The following NREP variants were observed in gnomAD, a reference collection of about 807,000 sequenced individuals.
NREP encodes neuronal regeneration-related protein.
In NREP, 5 loss-of-function variants were observed where a neutral mutation model predicts 8.6. The ratio of observed to expected loss-of-function variants is 0.58; its 90% CI spans 0.30 to 1.22. NREP has a LOEUF of 1.22. Among genes scored for constraint, NREP ranks in the 50% most tolerant of loss-of-function variants. The pLI is 0.07. For missense variants in NREP, 86 were observed against 82.5 expected (o/e 1.04, Z -0.17); for synonymous variants, 27 against 28.0 (o/e 0.96, Z 0.11).
intron 2 of NREP, chr5:111,846,439 T>TTTTTTTTTTTTTTTTTTTTTTTTTC (rs1753175574): frequency 7.6e-6 from 1 of 131,132 alleles, no homozygotes; most frequent in Non-Finnish European, 1.6e-5. Context: ...TTTTTTTTTT[T>TTTTTTTTTTTTTTTTTTTTTTTTTC]TTTTTTGTCT....
chr5:111,732,973 T>G (rs1432204270), intron 3 of NREP: 1 of 152,182 alleles, frequency 6.6e-6, no homozygotes, highest in Non-Finnish European at 1.5e-5. Flanking sequence ...TCTATTTAAA[T>G]CTCAGTCTCA....
intron 2 of NREP, among the ~76,000 whole-genome samples, chr5:111,966,624 T>C (rs767959260): frequency 5.3e-5 from 8 of 151,620 alleles, no homozygotes; most frequent in Admixed American, 2.0e-4. Flanking sequence ...ATTCAAAAAA[T>C]GAGAGAAGGA....
intron 2 of NREP, among the ~76,000 whole-genome samples, chr5:111,909,147 C>T (rs894211845): frequency 2.4e-4 from 37 of 151,868 alleles, no homozygotes; most frequent in African/African-American, 6.8e-4. Flanking sequence ...GCATAGTTCG[C>T]GAATATTTTC....
intron 2 of NREP, among the ~76,000 whole-genome samples, chr5:111,777,014 TGGAGGA>T (rs147009924): frequency 8.0e-6 from 1 of 125,628 alleles, no homozygotes; most frequent in Admixed American, 8.1e-5. Context: ...AGGAAGGAGG[TGGAGGA>T]GGAGGAGGAA....
upstream of NREP, among the ~76,000 whole-genome samples, chr5:111,759,211 A>G (rs925783585): frequency 2.0e-5 from 3 of 152,058 alleles, no homozygotes; most frequent in African/African-American, 7.2e-5. Context: ...TTTGGCATTC[A>G]CCTCAGGGTC....
At chr5:111,873,976 A>G (rs1332063384) in intron 2 of NREP, among the ~76,000 whole-genome samples, 2 of 152,066 alleles carry the variant, frequency 1.3e-5, no homozygotes, top group African/African-American at 4.8e-5. Context: ...GACAGAGACA[A>G]ACAACAGCTT....
At chr5:111,791,335 T>C (rs1268011882) in intron 2 of NREP, among the ~76,000 whole-genome samples, 3 of 152,200 alleles carry the variant, frequency 2.0e-5, no homozygotes, top group Admixed American at 2.0e-4. Context: ...AATTGGAATT[T>C]TATATCCTTT....
chr5:111,737,556 G>T (rs73787362), intron 2 of NREP, among the ~76,000 whole-genome samples: 1,791 of 151,978 alleles, frequency 0.012, 13 homozygotes, highest in Middle Eastern at 0.048. Flanking sequence ...TGCTTTTCTG[G>T]GATATTCCAT....
chr5:111,768,218 G>C (rs923544738), intron 2 of NREP, among the ~76,000 whole-genome samples: 6 of 152,160 alleles, frequency 3.9e-5, no homozygotes, highest in Non-Finnish European at 8.8e-5. Context: ...GAACCAGGTG[G>C]AATGACTTAT....
chr5:111,802,911 A>C (rs1752047304), intron 2 of NREP, among the ~76,000 whole-genome samples: 1 of 152,198 alleles, frequency 6.6e-6, no homozygotes, highest in Non-Finnish European at 1.5e-5. Flanking sequence ...CAAAGAAAGA[A>C]GCTGAAAGAG....
chr5:111,934,538 C>T (rs1755629075), intron 2 of NREP, among the ~76,000 whole-genome samples: 1 of 152,026 alleles, frequency 6.6e-6, no homozygotes, highest in Non-Finnish European at 1.5e-5. Flanking sequence ...AGTGAAGCCA[C>T]ATAGGACCAG....
At chr5:111,908,343 G>A (rs1221138359) in intron 2 of NREP, among the ~76,000 whole-genome samples, 1 of 151,998 alleles carries the variant, frequency 6.6e-6, no homozygotes, top group African/African-American at 2.4e-5. Context: ...TAGATATTAT[G>A]TGATGCTGAG....
At chr5:111,878,069 C>A (rs139824909) in intron 2 of NREP, among the ~76,000 whole-genome samples, 8 of 152,136 alleles carry the variant, frequency 5.3e-5, no homozygotes, top group African/African-American at 1.9e-4. Flanking sequence ...AAGACTCAGA[C>A]GAGGACTAGA....
At chr5:111,771,464 C>T (rs1581105151) in intron 2 of NREP, among the ~76,000 whole-genome samples, 1 of 147,268 alleles carries the variant, frequency 6.8e-6, no homozygotes, top group Non-Finnish European at 1.5e-5. Flanking sequence ...CACACACACA[C>T]ATATGCACAC....
chr5:111,950,589 T>C (rs1335653335), intron 2 of NREP, among the ~76,000 whole-genome samples: 1 of 151,728 alleles, frequency 6.6e-6, no homozygotes, highest in Admixed American at 6.6e-5. Flanking sequence ...CAAAAGAAAC[T>C]ATCATCAGAG....
chr5:111,806,128 A>T (rs1439792294), intron 2 of NREP, among the ~76,000 whole-genome samples: 1 of 152,158 alleles, frequency 6.6e-6, no homozygotes, highest in Non-Finnish European at 1.5e-5. Context: ...AAATTTTTCA[A>T]AATAAAAAGC....
At chr5:111,750,884 C>T (rs1193532297) in intron 2 of NREP, among the ~76,000 whole-genome samples, 1 of 152,174 alleles carries the variant, frequency 6.6e-6, no homozygotes, top group African/African-American at 2.4e-5. Context: ...TTGCAAGTCA[C>T]GTTCTTTTGG....
At chr5:111,884,006 A>C (rs1190615757) in intron 2 of NREP, among the ~76,000 whole-genome samples, 1 of 152,124 alleles carries the variant, frequency 6.6e-6, no homozygotes, top group Non-Finnish European at 1.5e-5. Context: ...AGACACAAAA[A>C]ACCCTTCAAA....
At chr5:111,883,365 A>T (rs566063988) in intron 2 of NREP, among the ~76,000 whole-genome samples, 9 of 152,144 alleles carry the variant, frequency 5.9e-5, no homozygotes, top group Non-Finnish European at 1.3e-4. Context: ...CTCCCACACA[A>T]TAATAATGGG....
Sources: allele counts gnomAD v4.1 joint callset (sites outside exome capture counted in the v4.1 genomes callset), GRCh38; gene constraint gnomAD v4.1.1; transcripts MANE v1.5; gene names NCBI Gene and HGNC (gene_info 2026-07-23, HGNC 2026-07-21).